POPDC3: variants seen among roughly 807,000 people sequenced by gnomAD.
The protein encoded by POPDC3 is popeye domain cAMP effector 3.
Under a neutral mutation model 28.2 loss-of-function variants are expected in POPDC3, and 20 were observed. That is an observed-to-expected ratio of 0.71 (90% CI 0.50 to 1.03). The LOEUF is 1.03. Ranked by LOEUF, POPDC3 falls within the 50% of genes least tolerant of loss-of-function variation. The pLI, the probability that POPDC3 is intolerant of heterozygous loss-of-function variation, is 0.00. For synonymous variants in POPDC3, 118 were observed against 124.1 expected (o/e 0.95, Z 0.33); for missense variants, 316 against 345.9 (o/e 0.91, Z 0.69).
chr6:105,159,944 A>G (rs770840831), intron 2 of POPDC3, 125 bp from the exon 3 acceptor site: 1 of 594,340 alleles, frequency 1.7e-6, no homozygotes, highest in Non-Finnish European at 3.0e-6. Flanking sequence ...TGATTTTGAA[A>G]GGCAAAATAT....
At chr6:105,165,134 G>A (rs1450677834) in intron 1 of POPDC3, among the ~76,000 whole-genome samples, 5 of 152,152 alleles carry the variant, frequency 3.3e-5, no homozygotes, top group East Asian at 1.9e-4. Context: ...TCCAATTCCC[G>A]TCCGCCCCTC....
intron 1 of POPDC3, among the ~76,000 whole-genome samples, chr6:105,168,297 A>ACTC (rs1489933482): frequency 4.7e-4 from 71 of 152,316 alleles, no homozygotes; most frequent in Middle Eastern, 6.8e-3. Flanking sequence ...ATCTTCTGAT[A>ACTC]TGGATTCCAG....
At chr6:105,163,293 C>G (rs2114530311) in intron 1 of POPDC3, among the ~76,000 whole-genome samples, 1 of 152,092 alleles carries the variant, frequency 6.6e-6, no homozygotes, top group Non-Finnish European at 1.5e-5. Context: ...AAAATATTAC[C>G]AACTCTGTTC....
chr6:105,162,000 T>C lies in POPDC3; in HGVS notation c.-91A>G. 1 of 1,514,724 alleles carries C rather than the reference T, an allele frequency of 6.6e-7. No individual in the cohort carries two copies. The highest frequency in any genetic ancestry group is 8.8e-7 in the Non-Finnish European group (1 of 1,138,174). The allele number at this position is 1,514,724 out of a possible 1,614,324, so 93.8% of individuals were successfully genotyped here. A position where few individuals can be genotyped will look rare whatever the true frequency, so the allele number is the denominator to read the frequency against. ...CCTTTGGTTCTCCATCATGAGAGTT[T>C]TGTGCAGTCTTCACAAAACCAGAGA... On this transcript the variant is annotated 5_prime_UTR_variant, in exon 2 of 4. Transcript: ENST00000254765.
intron 1 of POPDC3, among the ~76,000 whole-genome samples, chr6:105,171,410 T>C (rs539330273): frequency 6.6e-6 from 1 of 152,292 alleles, no homozygotes; most frequent in African/African-American, 2.4e-5. Flanking sequence ...GGCTCATGCC[T>C]ATAATCCCAG....
At position 105,158,221 on chromosome 6, in the gene POPDC3, C is replaced by G. The variant is rs986794027; in HGVS notation, c.*249G>C. The stretch of plus-strand genomic sequence containing the variant: ...GAATTTCATTCTCCCAGTTTTGATG[C>G]AGAAAAGGGCAAACTGCCCATAGTT... On this transcript the variant is annotated 3_prime_UTR_variant, in exon 4 of 4. Transcript: ENST00000254765. 2.4e-6 allele frequency: 1 copy of G among 410,986 alleles called. No individual in the cohort carries two copies. The highest frequency in any genetic ancestry group is 4.3e-6 in the Non-Finnish European group (1 of 231,836). The allele number at this position is 410,986 out of a possible 1,614,324, so 25.5% of individuals were successfully genotyped here.
In POPDC3 at chr6:105,166,268, G is replaced by C. The variant is rs573940479; in HGVS notation, c.-251-4108C>G. Among the ~76,000 whole-genome samples the C allele has an allele frequency of 4.0e-5, 6 of 151,832 alleles. No homozygotes were observed. In the South Asian group the frequency reaches 1.2e-3, roughly 32 times the overall value. On this transcript the variant is annotated intron_variant, in intron 1 of 3. Coordinates refer to ENST00000254765, the MANE Select transcript of POPDC3 (RefSeq NM_022361.5). ...CAAACATGGGTCAAAATATAGAGCCGAGTGGCAGAACTGAATTAAGACTGC... is the reference window on the plus strand; with the variant it reads ...CAAACATGGGTCAAAATATAGAGCCCAGTGGCAGAACTGAATTAAGACTGC...
Position 105,158,567 on chromosome 6 carries a change from A to G in POPDC3, c.779T>C (p.Ile260Thr), listed in dbSNP as rs1365247241. The change falls in exon 4 of 4, where the codon ATT (isoleucine) becomes ACT (threonine). Residue 260 changes from isoleucine (I) to threonine (T), a missense_variant. Physicochemically the swap from Ile to Thr is moderately conservative, Grantham distance 89. Coordinates refer to ENST00000254765, the MANE Select transcript of POPDC3 (RefSeq NM_022361.5). The stretch of plus-strand genomic sequence containing the variant: ...CATTTGATAGAAGTTGGGTAGCCGA[A>G]TATCATAGTGATATCTTTTTCCTAT... ...VYIGKRYHYDIRLPNFYQMST... is the reference protein window; with the variant it reads ...VYIGKRYHYDTRLPNFYQMST... 1 of 1,614,062 alleles carries G rather than the reference A, an allele frequency of 6.2e-7. No individual in the cohort carries two copies. The highest frequency in any genetic ancestry group is 8.5e-7 in the Non-Finnish European group (1 of 1,180,014).
chr6:105,170,445 C>A (rs1774552854), intron 1 of POPDC3, among the ~76,000 whole-genome samples: 1 of 152,188 alleles, frequency 6.6e-6, no homozygotes, highest in Admixed American at 6.5e-5. Flanking sequence ...TCCTGGCAAA[C>A]AACCCTAACA....
chr6:105,164,040 G>C (rs929154990), intron 1 of POPDC3, among the ~76,000 whole-genome samples: 2 of 152,180 alleles, frequency 1.3e-5, no homozygotes, highest in African/African-American at 4.8e-5. Flanking sequence ...ACAATGAGTA[G>C]TGAGAACTGC....
intron 1 of POPDC3, among the ~76,000 whole-genome samples, chr6:105,165,772 G>C (rs998929195): frequency 3.9e-5 from 6 of 152,162 alleles, no homozygotes; most frequent in South Asian, 2.1e-4. Flanking sequence ...CAGTGGTATT[G>C]AGTGAGTTTT....
Position 105,161,779 on chromosome 6 carries a change from C to T in POPDC3, c.131G>A (p.Gly44Asp), listed in dbSNP as rs1237913755. 2 of 1,614,202 alleles carry T rather than the reference C, an allele frequency of 1.2e-6. No homozygotes were observed. The highest frequency in any genetic ancestry group is 2.7e-5 in the African/African-American group (2 of 75,050). The change falls in exon 2 of 4, where the codon GGC (glycine) becomes GAC (aspartate). Residue 44 changes from glycine to aspartate, a missense_variant. By Grantham distance (94) the Gly-to-Asp change is moderately conservative (BLOSUM62 -1). Coordinates refer to ENST00000254765, the MANE Select transcript of POPDC3 (RefSeq NM_022361.5). ...SILFVVGFMG[G>D]SGFFGLLYVF... Reference sequence around the variant, plus strand: ...ATAAAGGAGCCCGAAGAATCCACTGCCACCCATGAAACCTACTACAAATAA... The same window carrying T: ...ATAAAGGAGCCCGAAGAATCCACTGTCACCCATGAAACCTACTACAAATAA...
chr6:105,168,336 C>T (rs1774501416), intron 1 of POPDC3, among the ~76,000 whole-genome samples: 1 of 152,220 alleles, frequency 6.6e-6, no homozygotes, highest in Admixed American at 6.5e-5. Context: ...TTTGCTTTCA[C>T]ACAATACTTG....
At position 105,171,849 on chromosome 6, in the gene POPDC3, C is replaced by T. The variant is rs1006129767; in HGVS notation, c.-252+7984G>A. Among the ~76,000 whole-genome samples, 5 of 149,532 alleles carry T rather than the reference C, an allele frequency of 3.3e-5. 1 individual carries two copies. The highest frequency in any genetic ancestry group is 9.9e-5 in the African/African-American group (4 of 40,242). On this transcript the variant is annotated intron_variant, in intron 1 of 3. Transcript: ENST00000254765. ...CAAATAAACTACCTAACACTTATTT[C>T]GTTTATTTTATTATATTAGAGATGG...
rs1774226036 is a variant in POPDC3, at chr6:105,158,270, CAAT to C, written c.*197_*199del. ...TTATCCACCCCCTCCCCAATTATAA[CAAT>C]GAGAAATACAAGAAAAATTTGTAAA... On this transcript the variant is annotated 3_prime_UTR_variant, in exon 4 of 4. Transcript: ENST00000254765. 1.9e-6 allele frequency: 1 copy of C among 514,246 alleles called. No homozygotes were observed. The highest frequency in any genetic ancestry group is 1.9e-5 in the African/African-American group (1 of 52,490). The allele number at this position is 514,246 out of a possible 1,614,324, so 31.9% of individuals were successfully genotyped here.
rs1343631986 is a variant in POPDC3 at position 105,158,690 on chromosome 6, A to G, written c.656T>C (p.Leu219Pro). ...GATGTAGCGATGCTGAGCAAAGAGCAGATATAATTTCTTTCTCCTCCAAGA... is the reference window on the plus strand; with the variant it reads ...GATGTAGCGATGCTGAGCAAAGAGCGGATATAATTTCTTTCTCCTCCAAGA... ...YVSWRRKKLY[L>P]LFAQHRYISR... Residue 219 changes from leucine (L) to proline (P), a missense_variant, in exon 4 of 4, where the codon CTG (leucine) becomes CCG (proline). Coordinates refer to ENST00000254765, the MANE Select transcript of POPDC3 (RefSeq NM_022361.5). 1 of 1,613,992 alleles carries G rather than the reference A, an allele frequency of 6.2e-7. No homozygotes were observed. Among genetic ancestry groups the G allele is most frequent in the Non-Finnish European group, 8.5e-7 (1 of 1,179,962 alleles).
intron 1 of POPDC3, among the ~76,000 whole-genome samples, chr6:105,163,192 A>T (rs1474315632): frequency 6.6e-6 from 1 of 152,250 alleles, no homozygotes; most frequent in Non-Finnish European, 1.5e-5. Flanking sequence ...ACTTTGTTGT[A>T]TTAGTGGTTA....
chr6:105,168,725 G>A (rs1397184393), intron 1 of POPDC3: 1 of 152,318 alleles, frequency 6.6e-6, no homozygotes, highest in East Asian at 1.9e-4. Flanking sequence ...TTATGATTAT[G>A]TTAAGTTATA....
chr6:105,179,434 C>G (rs1435432687), intron 1 of POPDC3, among the ~76,000 whole-genome samples: 1 of 152,186 alleles, frequency 6.6e-6, no homozygotes, highest in Non-Finnish European at 1.5e-5. Context: ...CCTTGCAAAA[C>G]TGGCCTGTTT....
Sources: allele counts gnomAD v4.1 joint callset (sites outside exome capture counted in the v4.1 genomes callset), GRCh38; gene constraint gnomAD v4.1.1; transcripts MANE v1.5; gene names NCBI Gene and HGNC (gene_info 2026-07-23, HGNC 2026-07-21).